LONP2: variants seen among roughly 807,000 people sequenced by gnomAD.
The protein encoded by LONP2 is lon peptidase 2, peroxisomal, also known as lon protease homolog 2, peroxisomal.
A neutral mutation model predicts 85.6 loss-of-function variants in LONP2; 60 were observed. The ratio of observed to expected loss-of-function variants is 0.70; its 90% CI spans 0.57 to 0.87. The LOEUF (loss-of-function observed/expected upper bound fraction) is 0.87. Ranked by LOEUF, LONP2 falls within the 40% of genes least tolerant of loss-of-function variation. The probability of loss-of-function intolerance (pLI) is 0.00; values close to 1 mark genes in which losing one functional copy is unlikely to be tolerated. For synonymous variants in LONP2, 395 were observed against 389.7 expected, an observed-to-expected ratio of 1.01 and a Z score of -0.16; for missense variants, 860 against 1,063.5, an observed-to-expected ratio of 0.81 and a Z score of 2.66.
At chr16:48,343,936 T>C (rs1959891716) in intron 12 of LONP2, 1 of 152,172 alleles carries the variant, frequency 6.6e-6, no homozygotes, top group Admixed American at 6.5e-5. Flanking sequence ...CTTTGGCATA[T>C]AGTGGGAAAA....
At chr16:48,294,285 A>AAG (rs1972622626) in intron 8 of LONP2, among the ~76,000 whole-genome samples, 1 of 152,152 alleles carries the variant, frequency 6.6e-6, no homozygotes, top group Non-Finnish European at 1.5e-5. Flanking sequence ...GACCACTCTT[A>AAG]ACCAATTCAA....
Position 48,351,878 on chromosome 16 carries a change from C to T in LONP2, c.*76C>T, listed in dbSNP as rs975912102. ...CTGACACAGTTGATTTTATTCACAC[C>T]ATTAGGGGTATGCAAGATGTCCCTG... is the stretch of plus-strand genomic sequence containing the variant. On this transcript the variant is annotated 3_prime_UTR_variant, in exon 15 of 15. Coordinates refer to ENST00000285737, the MANE Select transcript of LONP2 (RefSeq NM_031490.5). The T allele has an allele frequency of 1.7e-6, 2 of 1,145,106 alleles. No individual in the cohort carries two copies. The highest frequency in any genetic ancestry group is 1.5e-5 in the African/African-American group (1 of 64,536). The allele number at this position is 1,145,106 out of a possible 1,614,324, so 70.9% of individuals were successfully genotyped here. A position where few individuals can be genotyped will look rare whatever the true frequency, so the allele number is the denominator to read the frequency against.
intron 12 of LONP2, among the ~76,000 whole-genome samples, chr16:48,342,930 G>A (rs568918100): frequency 8.7e-4 from 132 of 152,288 alleles, no homozygotes; most frequent in African/African-American, 3.0e-3. Flanking sequence ...ATGTGGCACC[G>A]TGCTTGTCCT....
chr16:48,269,960 T>C, intron 6 of LONP2, 56 bp from the exon 7 acceptor site: 2 of 1,546,156 alleles, frequency 1.3e-6, no homozygotes, highest in Non-Finnish European at 1.7e-6. Flanking sequence ...TTGAAAGGAG[T>C]TCTTTAACTT....
rs1436672603 is a variant in LONP2 at position 48,336,258 on chromosome 16, A to G, written c.1938+1900A>G. On this transcript the variant is annotated intron_variant, in intron 12 of 14. Coordinates refer to ENST00000285737, the MANE Select transcript of LONP2 (RefSeq NM_031490.5). ...AGAGAACAGAAATGAGAAATTTTAT[A>G]AACACTGCTTACCAGTTATCCTTGT... 3 of 407,680 alleles carry G rather than the reference A, an allele frequency of 7.4e-6. No homozygotes were observed. The East Asian group carries it at 2.2e-4, about 30-fold the overall frequency. 25.3% of individuals were successfully genotyped at this position (407,680 alleles called of 1,614,324 possible).
intron 12 of LONP2, chr16:48,334,837 C>A: frequency 1.9e-6 from 1 of 517,290 alleles, no homozygotes; most frequent in South Asian, 1.5e-5. Flanking sequence ...CTGTGAGGGT[C>A]TTCACAAAGA....
At chr16:48,299,636 A>G (rs778573907) in intron 9 of LONP2, 26 bp from the exon 10 acceptor site, 4 of 1,587,660 alleles carry the variant, frequency 2.5e-6, no homozygotes, top group Non-Finnish European at 3.4e-6. Flanking sequence ...GTAAATAATT[A>G]CAAAACAAGA....
chr16:48,354,133 C>A lies in LONP2; in HGVS notation c.*2331C>A, dbSNP rs1310170400. On this transcript the variant is annotated 3_prime_UTR_variant, in exon 15 of 15. Transcript: ENST00000285737. The stretch of plus-strand genomic sequence containing the variant: ...GGGTGGGGAAGAGCCAAAATTTTAA[C>A]CATTTTTAAGCATATAATTTGGGGG... 6.1e-5 allele frequency: 8 copies of A among 131,242 alleles called. 1 individual carries two copies. In the East Asian group the frequency reaches 9.8e-4, roughly 16 times the overall value. The allele number at this position is 131,242 out of a possible 1,614,324, so 8.1% of individuals were successfully genotyped here.
intron 14 of LONP2, among the ~76,000 whole-genome samples, chr16:48,350,433 C>A (rs8051441): frequency 0.22 from 33,330 of 151,582 alleles, 4,766 homozygotes; most frequent in African/African-American, 0.4. Context: ...AAATGTTTTA[C>A]ATCTAGTCTT....
chr16:48,305,302 T>C (rs1024482584), intron 11 of LONP2, among the ~76,000 whole-genome samples: 3 of 152,254 alleles, frequency 2.0e-5, no homozygotes, highest in African/African-American at 7.2e-5. Context: ...TCGTCCAGGC[T>C]GGACTGCGGT....
downstream of LONP2, chr16:48,362,048 G>A: frequency 6.2e-7 from 1 of 1,614,214 alleles, no homozygotes; most frequent in Non-Finnish European, 8.5e-7. The surrounding 1 kb of genome is among the most constrained non-coding windows in gnomAD (Gnocchi z 4.2). Flanking sequence ...GGCACGGACA[G>A]GAATAAGGCC....
At chr16:48,260,148 TTATTTA>T (rs1971844288) in intron 4 of LONP2, among the ~76,000 whole-genome samples, 2 of 152,210 alleles carry the variant, frequency 1.3e-5, no homozygotes, top group South Asian at 4.1e-4. Context: ...GTTCAGTTTT[TTATTTA>T]TAATATTTTA....
intron 11 of LONP2, among the ~76,000 whole-genome samples, chr16:48,324,727 T>C (rs986755021): frequency 6.6e-6 from 1 of 152,120 alleles, no homozygotes; most frequent in East Asian, 1.9e-4. Flanking sequence ...TGACGAATGG[T>C]ATGGGAGAGT....
At position 48,354,737 on chromosome 16, in the gene LONP2, C is replaced by T. The variant is rs1960273150; in HGVS notation, c.*2935C>T. On this transcript the variant is annotated 3_prime_UTR_variant, in exon 15 of 15. Transcript: ENST00000285737. ...GGGCAACTACTTTTCGCCCAGTGTCCTCCAGAAAAGAAAGATCTGGAGGGT... is the reference window on the plus strand; with the variant it reads ...GGGCAACTACTTTTCGCCCAGTGTCTTCCAGAAAAGAAAGATCTGGAGGGT... 1 of 152,174 alleles carries T rather than the reference C, an allele frequency of 6.6e-6. No homozygotes were observed. The highest frequency in any genetic ancestry group is 1.5e-5 in the Non-Finnish European group (1 of 68,034). The allele number at this position is 152,174 out of a possible 1,614,324, so 9.4% of individuals were successfully genotyped here. A position where few individuals can be genotyped will look rare whatever the true frequency, so the allele number is the denominator to read the frequency against.
chr16:48,289,836 T>G (rs755728731), intron 8 of LONP2, among the ~76,000 whole-genome samples: 17 of 152,324 alleles, frequency 1.1e-4, no homozygotes, highest in Non-Finnish European at 2.4e-4. Flanking sequence ...TCTAAATAGA[T>G]AAACAAATGT....
chr16:48,256,581 A>G (rs756252897), intron 2 of LONP2, 29 bp from the exon 3 acceptor site: 1 of 1,606,776 alleles, frequency 6.2e-7, no homozygotes, highest in East Asian at 2.2e-5. Context: ...GCCAGATTTC[A>G]TTTAAAAGAC....
chr16:48,295,385 T>C (rs1043800851), intron 8 of LONP2, among the ~76,000 whole-genome samples: 1 of 151,866 alleles, frequency 6.6e-6, no homozygotes, highest in African/African-American at 2.4e-5. Flanking sequence ...AAAAAAAGAG[T>C]TATTGATGTT....
At chr16:48,289,675 T>G (rs1972519962) in intron 8 of LONP2, among the ~76,000 whole-genome samples, 1 of 152,232 alleles carries the variant, frequency 6.6e-6, no homozygotes, top group African/African-American at 2.4e-5. Context: ...CTTATGGAAC[T>G]TCTTCTAAGT....
chr16:48,333,460 C>T (rs758930599), intron 11 of LONP2, among the ~76,000 whole-genome samples: 1 of 152,088 alleles, frequency 6.6e-6, no homozygotes, highest in Non-Finnish European at 1.5e-5. Flanking sequence ...AAAAGAGGCA[C>T]TGCTTATATG....
Sources: gnomAD v4.1 joint callset for allele counts (sites outside exome capture counted in the v4.1 genomes callset) on GRCh38, gnomAD v4.1.1 for gene constraint, Gnocchi (gnomAD v3.1) non-coding constraint, MANE v1.5 for transcripts, NCBI Gene and HGNC (gene_info 2026-07-23, HGNC 2026-07-21) for gene names.